GRIK4: variants seen among roughly 807,000 people sequenced by gnomAD.
The protein encoded by GRIK4 is glutamate receptor ionotropic, kainate 4.
In GRIK4, 40 loss-of-function variants were observed where a neutral mutation model predicts 104.9. The observed-to-expected ratio is 0.38, with a 90% confidence interval of 0.30 to 0.50. The LOEUF (loss-of-function observed/expected upper bound fraction) is 0.50, where lower values mean the gene tolerates loss of function less well. Among genes scored for constraint, GRIK4 ranks in the 20% least tolerant of loss-of-function variants. The pLI, the probability that GRIK4 is intolerant of heterozygous loss-of-function variation, is 0.93. For missense variants in GRIK4, 1,047 were observed against 1,308.1 expected (o/e 0.80, Z 3.08); for synonymous variants, 485 against 524.9 (o/e 0.92, Z 1.04).
chr11:120,922,708 A>G (rs928318314), intron 13 of GRIK4, among the ~76,000 whole-genome samples: 4 of 152,224 alleles, frequency 2.6e-5, no homozygotes, highest in Non-Finnish European at 5.9e-5. Context: ...TGTCAGCGTG[A>G]GAGCCAGGCC....
At position 120,988,633 on chromosome 11, in the gene GRIK4, C is replaced by T. The variant is rs985306657; in HGVS notation, c.*2373C>T. 6.6e-5 allele frequency: 10 copies of T among 152,136 alleles called. No individual in the cohort carries two copies. The highest frequency in any genetic ancestry group is 6.5e-4 in the Admixed American group (10 of 15,270). 9.4% of individuals were successfully genotyped at this position (152,136 alleles called of 1,614,324 possible). On this transcript the variant is annotated 3_prime_UTR_variant, in exon 21 of 21. Transcript: ENST00000527524. Reference sequence around the variant, plus strand: ...CTCAAGCTAGTGGGTGAATTTGCAACCAGCTAATACTCTTCCTTGGTTTGT... The same window carrying T: ...CTCAAGCTAGTGGGTGAATTTGCAATCAGCTAATACTCTTCCTTGGTTTGT...
intron 1 of GRIK4, among the ~76,000 whole-genome samples, chr11:120,646,251 G>A (rs1020278718): frequency 2.6e-5 from 4 of 152,184 alleles, no homozygotes; most frequent in Admixed American, 6.5e-5. Context: ...TGCTAAGATC[G>A]CAGCTAATAT....
chr11:120,590,660 C>T (rs1333880382), intron 1 of GRIK4, among the ~76,000 whole-genome samples: 1 of 152,148 alleles, frequency 6.6e-6, no homozygotes, highest in African/African-American at 2.4e-5. Flanking sequence ...TCTTTGGGAA[C>T]CCCAAGGCTC....
intron 11 of GRIK4, 91 bp downstream of exon 11, chr11:120,875,334 G>A: frequency 1.2e-6 from 1 of 822,530 alleles, no homozygotes; most frequent in Non-Finnish European, 2.1e-6. Flanking sequence ...CCTGCTCCCA[G>A]TTATCCCCAA....
chr11:120,644,061 A>AG (rs1272435741), intron 1 of GRIK4, among the ~76,000 whole-genome samples: 23 of 33,012 alleles, frequency 7.0e-4, no homozygotes, highest in African/African-American at 1.5e-3. Context: ...GAGAGAGAGG[A>AG]GAGAGAGAGA....
intron 8 of GRIK4, among the ~76,000 whole-genome samples, chr11:120,837,129 A>T (rs989976700): frequency 6.6e-6 from 1 of 152,228 alleles, no homozygotes; most frequent in African/African-American, 2.4e-5. Flanking sequence ...CAGTAGGTCC[A>T]GTTACTGGCC....
At chr11:120,611,621 C>G (rs183194200) in intron 1 of GRIK4, among the ~76,000 whole-genome samples, 173 of 152,316 alleles carry the variant, frequency 1.1e-3, no homozygotes, top group African/African-American at 3.7e-3. Flanking sequence ...ACCCTTCCTC[C>G]GTGCATAATC....
chr11:120,862,205 T>A, intron 9 of GRIK4, 85 bp downstream of exon 9: 1 of 1,180,540 alleles, frequency 8.5e-7, no homozygotes, highest in Non-Finnish European at 1.2e-6. Flanking sequence ...CAACACATCT[T>A]CTTGGAGTCC....
intron 3 of GRIK4, among the ~76,000 whole-genome samples, chr11:120,791,610 C>T (rs1045103388): frequency 2.6e-5 from 4 of 152,110 alleles, no homozygotes; most frequent in Non-Finnish European, 4.4e-5. Flanking sequence ...GTTTTGATGA[C>T]GTCTACTTTA....
chr11:120,625,132 G>A (rs555535878), intron 1 of GRIK4, among the ~76,000 whole-genome samples: 6 of 152,176 alleles, frequency 3.9e-5, no homozygotes, highest in Admixed American at 6.5e-5. Flanking sequence ...AAAATTAGCC[G>A]GGCATGGTGG....
intron 3 of GRIK4, among the ~76,000 whole-genome samples, chr11:120,667,551 A>C (rs1216894287): frequency 5.9e-5 from 9 of 152,232 alleles, no homozygotes; most frequent in Non-Finnish European, 1.5e-5. Context: ...AGCTCTCATT[A>C]GTCTGGATAA....
intron 3 of GRIK4, among the ~76,000 whole-genome samples, chr11:120,793,365 G>T (rs955855323): frequency 1.3e-5 from 2 of 152,130 alleles, no homozygotes; most frequent in Non-Finnish European, 2.9e-5. Flanking sequence ...TAGGAGGGGC[G>T]GGCCTTGACT....
At position 120,903,244 on chromosome 11, in the gene GRIK4, G is replaced by A. The variant is rs915740789; in HGVS notation, c.1273-2046G>A. 3.3e-5 allele frequency among the ~76,000 whole-genome samples: 5 copies of A among 152,006 alleles called. No homozygotes were observed. The highest frequency in any genetic ancestry group is 7.3e-5 in the African/African-American group (3 of 41,370). On this transcript the variant is annotated intron_variant, in intron 12 of 20. Coordinates refer to ENST00000527524, the MANE Select transcript of GRIK4 (RefSeq NM_014619.5). The surrounding 1 kb of genome is among the most constrained non-coding windows in gnomAD (Gnocchi z 4.4). ...TGCATCCAGCCTCCCCTCTGCAGCC[G>A]GGCCTTGGTAATCCCTGAGCCCAGC... is the stretch of plus-strand genomic sequence containing the variant.
intron 1 of GRIK4, among the ~76,000 whole-genome samples, chr11:120,522,071 T>C (rs1374263268): frequency 4.6e-5 from 7 of 152,190 alleles, no homozygotes; most frequent in Non-Finnish European, 8.8e-5. Flanking sequence ...AGAGGTTATG[T>C]AGCTTGCCCA....
intron 1 of GRIK4, among the ~76,000 whole-genome samples, chr11:120,625,702 CCAAA>C (rs1434832195): frequency 1.3e-5 from 2 of 151,728 alleles, no homozygotes; most frequent in Non-Finnish European, 1.5e-5. Context: ...ACCCCTGGCT[CCAAA>C]CAGAGTGCCA....
At chr11:120,985,172 T>G (rs1368816533) in intron 20 of GRIK4, among the ~76,000 whole-genome samples, 1 of 152,100 alleles carries the variant, frequency 6.6e-6, no homozygotes, top group East Asian at 1.9e-4. Flanking sequence ...CTAAAAAGCT[T>G]GGAGAGTTCC....
chr11:120,587,818 G>A (rs1278280686), intron 1 of GRIK4, among the ~76,000 whole-genome samples: 1 of 152,198 alleles, frequency 6.6e-6, no homozygotes, highest in African/African-American at 2.4e-5. Context: ...GGTGGCACAG[G>A]CACCAGAAGG....
rs577278456 is a variant in GRIK4, at chr11:120,953,938, G to A, written c.1700+974G>A. 1.3e-5 allele frequency among the ~76,000 whole-genome samples: 2 copies of A among 152,184 alleles called. No homozygotes were observed. The highest frequency in any genetic ancestry group is 2.4e-5 in the African/African-American group (1 of 41,448). On this transcript the variant is annotated intron_variant, in intron 15 of 20. Transcript: ENST00000527524. The surrounding 1 kb of genome is among the most constrained non-coding windows in gnomAD (Gnocchi z 4.9). ...CAGGAGGAGCTTCTGGAATCTGTCC[G>A]TGGCTCTGGTTTGCAGGTGTCTCTT...
chr11:120,604,874 T>G (rs575434438), intron 1 of GRIK4, among the ~76,000 whole-genome samples: 2 of 152,336 alleles, frequency 1.3e-5, no homozygotes, highest in East Asian at 1.9e-4. Flanking sequence ...GATATATATA[T>G]GTATTTGAGA....
Sources: allele counts gnomAD v4.1 joint callset (sites outside exome capture counted in the v4.1 genomes callset), GRCh38; gene constraint gnomAD v4.1.1; non-coding constraint Gnocchi (gnomAD v3.1); transcripts MANE v1.5; gene names NCBI Gene and HGNC (gene_info 2026-07-23, HGNC 2026-07-21).